Variants in LLPH observed in about 807,000 individuals in gnomAD.
The protein encoded by LLPH is protein LLP homolog.
In LLPH, 5 loss-of-function variants were observed where a neutral mutation model predicts 13.3. The ratio of observed to expected loss-of-function variants is 0.38; its 90% CI spans 0.20 to 0.79. The LOEUF is 0.79. Among genes scored for constraint, LLPH ranks in the 30% least tolerant of loss-of-function variants. LLPH has a pLI of 0.45. For synonymous variants in LLPH, 32 were observed against 44.2 expected, an observed-to-expected ratio of 0.72 and a Z score of 1.09; for missense variants, 129 against 152.1, an observed-to-expected ratio of 0.85 and a Z score of 0.80.
rs1825822903 is a variant in LLPH, at chr12:66,123,161, T to G, written c.*679A>C. The G allele has an allele frequency of 6.6e-6, 1 of 151,566 alleles. No homozygotes were observed. The highest frequency in any genetic ancestry group is 1.5e-5 in the Non-Finnish European group (1 of 67,896). The allele number at this position is 151,566 out of a possible 1,614,324, so 9.4% of individuals were successfully genotyped here. A position where few individuals can be genotyped will look rare whatever the true frequency, so the allele number is the denominator to read the frequency against. On this transcript the variant is annotated 3_prime_UTR_variant, in exon 3 of 3. Coordinates refer to ENST00000266604, the MANE Select transcript of LLPH (RefSeq NM_032338.4). ...TTTTTTTTTTTTTGAGACAGAGTCC[T>G]ACTCCATTGCCCAGGGTGGAGTGCA... is the stretch of plus-strand genomic sequence containing the variant.
In LLPH at chr12:66,118,400, C is replaced by A. The variant is rs919828298; in HGVS notation, c.*5440G>T. 2.0e-5 allele frequency: 3 copies of A among 151,398 alleles called. No homozygotes were observed. Among genetic ancestry groups the A allele is most frequent in the African/African-American group, 7.3e-5 (3 of 41,088 alleles). 9.4% of individuals were successfully genotyped at this position (151,398 alleles called of 1,614,324 possible). A position where few individuals can be genotyped will look rare whatever the true frequency, so the allele number is the denominator to read the frequency against. ...AAAAAAATATACAGCAGTATACAGTCATGTCTGAGGCCTTCACATTCACTC... is the reference window on the plus strand; with the variant it reads ...AAAAAAATATACAGCAGTATACAGTAATGTCTGAGGCCTTCACATTCACTC... On this transcript the variant is annotated 3_prime_UTR_variant, in exon 3 of 3. Coordinates refer to ENST00000266604, the MANE Select transcript of LLPH (RefSeq NM_032338.4).
rs2051530531 is a variant in LLPH, at chr12:66,130,741, A to G, written c.-44T>C. 1 of 152,400 alleles carries G rather than the reference A, an allele frequency of 6.6e-6. No individual in the cohort carries two copies. Among genetic ancestry groups the G allele is most frequent in the African/African-American group, 2.4e-5 (1 of 41,584 alleles). The allele number at this position is 152,400 out of a possible 1,614,324, so 9.4% of individuals were successfully genotyped here. The stretch of plus-strand genomic sequence containing the variant: ...ACACCCACACCTCACGCTCACGCCG[A>G]CCGGAAGTCTTTGCACTTCCGTCTT... On this transcript the variant is annotated 5_prime_UTR_variant, in exon 1 of 3. Transcript: ENST00000266604.
In LLPH at chr12:66,121,819, G is replaced by T. The variant is rs1029038316; in HGVS notation, c.*2021C>A. The T allele has an allele frequency of 6.7e-6, 1 of 148,570 alleles. No individual in the cohort carries two copies. The highest frequency in any genetic ancestry group is 1.5e-5 in the Non-Finnish European group (1 of 67,274). 9.2% of individuals were successfully genotyped at this position (148,570 alleles called of 1,614,324 possible). ...GAATCGCTTCAGCCTGGGAGGTGGA[G>T]GTTGCAGCGGAGCCACACTTGTGCC... On this transcript the variant is annotated 3_prime_UTR_variant, in exon 3 of 3. Coordinates refer to ENST00000266604, the MANE Select transcript of LLPH (RefSeq NM_032338.4).
chr12:66,127,059 C>T (rs953363878), intron 2 of LLPH, among the ~76,000 whole-genome samples: 9 of 151,936 alleles, frequency 5.9e-5, no homozygotes, highest in Admixed American at 1.3e-4. Context: ...GGCTATAATC[C>T]GAAAATGGAA....
intron 2 of LLPH, among the ~76,000 whole-genome samples, chr12:66,126,106 C>T (rs1332583711): frequency 6.6e-6 from 1 of 151,730 alleles, no homozygotes; most frequent in Admixed American, 6.6e-5. Flanking sequence ...GGGTGGATCA[C>T]GAGGTCAGGA....
chr12:66,118,989 C>T lies in LLPH; in HGVS notation c.*4851G>A, dbSNP rs1356877794. The stretch of plus-strand genomic sequence containing the variant: ...TGACACCTCAAGGATCCCAAGGTGC[C>T]CATTTCAGCTCCCAAAATCTTGGTT... On this transcript the variant is annotated 3_prime_UTR_variant, in exon 3 of 3. Coordinates refer to ENST00000266604, the MANE Select transcript of LLPH (RefSeq NM_032338.4). 1 of 152,094 alleles carries T rather than the reference C, an allele frequency of 6.6e-6. No homozygotes were observed. The highest frequency in any genetic ancestry group is 1.5e-5 in the Non-Finnish European group (1 of 68,028). 9.4% of individuals were successfully genotyped at this position (152,094 alleles called of 1,614,324 possible).
At position 66,118,560 on chromosome 12, in the gene LLPH, C is replaced by T. The variant is rs2051443713; in HGVS notation, c.*5280G>A. 6.6e-6 allele frequency: 1 copy of T among 152,046 alleles called. No individual in the cohort carries two copies. Among genetic ancestry groups the T allele is most frequent in the Non-Finnish European group, 1.5e-5 (1 of 68,010 alleles). The allele number at this position is 152,046 out of a possible 1,614,324, so 9.4% of individuals were successfully genotyped here. ...TCTATGTTTAGATACACAAATACTT[C>T]CCATTGTGATACAATTGCCTACAGT... On this transcript the variant is annotated 3_prime_UTR_variant, in exon 3 of 3. Coordinates refer to ENST00000266604, the MANE Select transcript of LLPH (RefSeq NM_032338.4).
intron 1 of LLPH, among the ~76,000 whole-genome samples, chr12:66,130,134 G>A (rs1332171433): frequency 6.6e-6 from 1 of 152,102 alleles, no homozygotes; most frequent in Non-Finnish European, 1.5e-5. Context: ...CCTATGCCTG[G>A]CAACTGCTCT....
Position 66,123,547 on chromosome 12 carries a change from C to T in LLPH, c.*293G>A, listed in dbSNP as rs1420772162. 1 of 339,480 alleles carries T rather than the reference C, an allele frequency of 2.9e-6. No individual in the cohort carries two copies. The highest frequency in any genetic ancestry group is 5.3e-5 in the East Asian group (1 of 18,934). 21.0% of individuals were successfully genotyped at this position (339,480 alleles called of 1,614,324 possible). On this transcript the variant is annotated 3_prime_UTR_variant, in exon 3 of 3. Coordinates refer to ENST00000266604, the MANE Select transcript of LLPH (RefSeq NM_032338.4). ...TGACTATAATTACCAGTTGTAAGAACAATTCTAACCATATTAATACCTGAC... is the reference window on the plus strand; with the variant it reads ...TGACTATAATTACCAGTTGTAAGAATAATTCTAACCATATTAATACCTGAC...
chr12:66,125,133 G>A (rs925091662), intron 2 of LLPH, among the ~76,000 whole-genome samples: 1 of 152,166 alleles, frequency 6.6e-6, no homozygotes, highest in Non-Finnish European at 1.5e-5. Flanking sequence ...TTTTAAGCAT[G>A]GCAGTGATAT....
chr12:66,120,836 C>G lies in LLPH; in HGVS notation c.*3004G>C, dbSNP rs924615748. ...CCAAAGATGTGACCATACCCCTGCA[C>G]TAATTTTGAAATGCTAGTCTAAATT... On this transcript the variant is annotated 3_prime_UTR_variant, in exon 3 of 3. Coordinates refer to ENST00000266604, the MANE Select transcript of LLPH (RefSeq NM_032338.4). 6.6e-6 allele frequency: 1 copy of G among 152,200 alleles called. No individual in the cohort carries two copies. The highest frequency in any genetic ancestry group is 1.5e-5 in the Non-Finnish European group (1 of 68,060). 9.4% of individuals were successfully genotyped at this position (152,200 alleles called of 1,614,324 possible).
At chr12:66,125,796 C>T (rs2136829446) in intron 2 of LLPH, among the ~76,000 whole-genome samples, 1 of 152,034 alleles carries the variant, frequency 6.6e-6, no homozygotes, top group East Asian at 1.9e-4. Context: ...ACAATGACCA[C>T]TGATCACCAG....
chr12:66,126,126 C>T (rs544671964), intron 2 of LLPH, among the ~76,000 whole-genome samples: 22 of 151,916 alleles, frequency 1.4e-4, no homozygotes, highest in African/African-American at 4.6e-4. Context: ...AGATCGAGAC[C>T]ATCCTGGCTA....
rs2136825218 is a variant in LLPH, at chr12:66,118,798, G to A, written c.*5042C>T. 6.6e-6 allele frequency: 1 copy of A among 152,244 alleles called. No individual in the cohort carries two copies. 9.4% of individuals were successfully genotyped at this position (152,244 alleles called of 1,614,324 possible). ...GACTATATATGGGAGGATGGGCATG[G>A]GTTATATGCAAATATTTCACCAGTT... is the stretch of plus-strand genomic sequence containing the variant. On this transcript the variant is annotated 3_prime_UTR_variant, in exon 3 of 3. Coordinates refer to ENST00000266604, the MANE Select transcript of LLPH (RefSeq NM_032338.4).
chr12:66,128,318 T>C (rs2051510407), intron 2 of LLPH, among the ~76,000 whole-genome samples: 1 of 152,210 alleles, frequency 6.6e-6, no homozygotes, highest in Non-Finnish European at 1.5e-5. Context: ...AATTGGTGCA[T>C]TAAATGTGCA....
In LLPH at chr12:66,116,929, C is replaced by T. The variant is rs188789303; in HGVS notation, c.*6911G>A. ...TACTTTAAAGTGGAACTTAATGGAA[C>T]GAATACCAGACCTAACATTAACAAA... On this transcript the variant is annotated 3_prime_UTR_variant, in exon 3 of 3. Coordinates refer to ENST00000266604, the MANE Select transcript of LLPH (RefSeq NM_032338.4). 34 of 152,214 alleles carry T rather than the reference C, an allele frequency of 2.2e-4. No individual in the cohort carries two copies. The East Asian group carries it at 5.0e-3, about 22-fold the overall frequency. 9.4% of individuals were successfully genotyped at this position (152,214 alleles called of 1,614,324 possible). A position where few individuals can be genotyped will look rare whatever the true frequency, so the allele number is the denominator to read the frequency against.
rs375032855 is a variant in LLPH, at chr12:66,123,791, T to C, written c.*49A>G. ...AAATCAAAGTATACATGTGTATACA[T>C]TCTAATCCGTCATCTATCCCATGTG... On this transcript the variant is annotated 3_prime_UTR_variant, in exon 3 of 3. Transcript: ENST00000266604. 12 of 1,599,378 alleles carry C rather than the reference T, an allele frequency of 7.5e-6. No individual in the cohort carries two copies. The highest frequency in any genetic ancestry group is 1.3e-5 in the African/African-American group (1 of 74,204).
rs747039957 is a variant in LLPH at position 66,123,789 on chromosome 12, C to T, written c.*51G>A. 6.3e-7 allele frequency: 1 copy of T among 1,595,660 alleles called. No individual in the cohort carries two copies. The highest frequency in any genetic ancestry group is 1.7e-5 in the Admixed American group (1 of 57,768). ...TGAAATCAAAGTATACATGTGTATA[C>T]ATTCTAATCCGTCATCTATCCCATG... On this transcript the variant is annotated 3_prime_UTR_variant, in exon 3 of 3. Transcript: ENST00000266604.
chr12:66,120,849 GCTAGT>G lies in LLPH; in HGVS notation c.*2986_*2990del, dbSNP rs1342619850. The G allele has an allele frequency of 2.0e-5, 3 of 152,228 alleles. No individual in the cohort carries two copies. Among genetic ancestry groups the G allele is most frequent in the African/African-American group, 7.2e-5 (3 of 41,444 alleles). The allele number at this position is 152,228 out of a possible 1,614,324, so 9.4% of individuals were successfully genotyped here. On this transcript the variant is annotated 3_prime_UTR_variant, in exon 3 of 3. Transcript: ENST00000266604. ...CATACCCCTGCACTAATTTTGAAATGCTAGTCTAAATTTCCTGCCAATATTTGGAG... is the reference window on the plus strand; with the variant it reads ...CATACCCCTGCACTAATTTTGAAATGCTAAATTTCCTGCCAATATTTGGAG...
Sources: allele counts gnomAD v4.1 joint callset (sites outside exome capture counted in the v4.1 genomes callset), GRCh38; gene constraint gnomAD v4.1.1; transcripts MANE v1.5; gene names NCBI Gene and HGNC (gene_info 2026-07-23, HGNC 2026-07-21).